The following PRRX1 variants were observed in gnomAD, a reference collection of about 807,000 sequenced individuals.
PRRX1 encodes paired related homeobox 1.
Under a neutral mutation model 24.0 loss-of-function variants are expected in PRRX1, and 8 were observed. That is an observed-to-expected ratio of 0.33 (90% CI 0.20 to 0.60). PRRX1 has a LOEUF of 0.60. Ranked by LOEUF, PRRX1 falls within the 20% of genes least tolerant of loss-of-function variation. The probability of loss-of-function intolerance (pLI) is 0.82; values close to 1 mark genes in which losing one functional copy is unlikely to be tolerated. For synonymous variants in PRRX1, 160 were observed against 131.7 expected, an observed-to-expected ratio of 1.22 and a Z score of -1.47; for missense variants, 281 against 322.4, an observed-to-expected ratio of 0.87 and a Z score of 0.98.
rs190688100 is a variant in PRRX1 at position 170,692,257 on chromosome 1, A to G, written c.242-27469A>G. Among the ~76,000 whole-genome samples, 1,165 of 152,204 alleles carry G rather than the reference A, an allele frequency of 7.7e-3. 11 individuals carry two copies. Among genetic ancestry groups the G allele is most frequent in the African/African-American group, 0.027 (1,123 of 41,540 alleles). On this transcript the variant is annotated intron_variant, in intron 1 of 3. Transcript: ENST00000239461. ...CAGGATCAGGAAGCCCTTTCTAATAACTGACATAAATCCTTATGGGGTAAG... is the reference window on the plus strand; with the variant it reads ...CAGGATCAGGAAGCCCTTTCTAATAGCTGACATAAATCCTTATGGGGTAAG...
At chr1:170,668,163 TGG>T in intron 1 of PRRX1, 1 of 152,380 alleles carries the variant, frequency 6.6e-6, no homozygotes, top group Admixed American at 6.5e-5. Context: ...TGGGATCCAG[TGG>T]CTAATGGGAG....
At chr1:170,693,279 G>T (rs1253456024) in intron 1 of PRRX1, among the ~76,000 whole-genome samples, 1 of 152,048 alleles carries the variant, frequency 6.6e-6, no homozygotes, top group African/African-American at 2.4e-5. Flanking sequence ...GCTGTAGAAA[G>T]GTTCTAAATA....
At chr1:170,665,476 G>GC (rs1652888490) in intron 1 of PRRX1, among the ~76,000 whole-genome samples, 1 of 152,202 alleles carries the variant, frequency 6.6e-6, no homozygotes, top group African/African-American at 2.4e-5. Flanking sequence ...CCTCGAGGTT[G>GC]CAAGAGTCTG....
intron 1 of PRRX1, among the ~76,000 whole-genome samples, chr1:170,708,993 A>ATTAAT (rs1654658968): frequency 6.6e-6 from 1 of 152,186 alleles, no homozygotes; most frequent in Non-Finnish European, 1.5e-5. Flanking sequence ...AGTCTAACAT[A>ATTAAT]TTAATTTAAT....
chr1:170,671,603 A>G (rs1015771954), intron 1 of PRRX1, among the ~76,000 whole-genome samples: 1 of 152,268 alleles, frequency 6.6e-6, no homozygotes, highest in Non-Finnish European at 1.5e-5. Flanking sequence ...CAGGACAGAC[A>G]GTAACAAAAC....
rs1425908081 is a variant in PRRX1 at position 170,697,932 on chromosome 1, T to C, written c.242-21794T>C. The stretch of plus-strand genomic sequence containing the variant: ...TTCTTTTGTATTATTAAAAGGCCTT[T>C]ATATAACATAATTTTTAATACTGCA... On this transcript the variant is annotated intron_variant, in intron 1 of 3. Coordinates refer to ENST00000239461, the MANE Select transcript of PRRX1 (RefSeq NM_022716.4). 2.6e-5 allele frequency among the ~76,000 whole-genome samples: 4 copies of C among 151,182 alleles called. No individual in the cohort carries two copies. The East Asian group carries it at 7.8e-4, about 29-fold the overall frequency.
intron 1 of PRRX1, among the ~76,000 whole-genome samples, chr1:170,674,503 T>C (rs1653245852): frequency 6.6e-6 from 1 of 152,192 alleles, no homozygotes; most frequent in African/African-American, 2.4e-5. Context: ...CAAATCTCTT[T>C]TCTCAAGACT....
intron 3 of PRRX1, 99 bp downstream of exon 3, chr1:170,726,500 T>G: frequency 1.4e-6 from 2 of 1,389,952 alleles, no homozygotes; most frequent in Non-Finnish European, 2.0e-6. Context: ...CATTTCTTAC[T>G]GGGTTAATCT....
chr1:170,692,336 A>G (rs1654016206), intron 1 of PRRX1, among the ~76,000 whole-genome samples: 1 of 152,090 alleles, frequency 6.6e-6, no homozygotes, highest in South Asian at 2.1e-4. Flanking sequence ...CTTAATTTGA[A>G]GGGTTTAACT....
intron 1 of PRRX1, among the ~76,000 whole-genome samples, chr1:170,700,677 C>T (rs1654324295): frequency 6.6e-6 from 1 of 152,122 alleles, no homozygotes; most frequent in Non-Finnish European, 1.5e-5. Context: ...GTCTCATGCC[C>T]AGCCAAAACC....
At chr1:170,692,634 A>T in intron 1 of PRRX1, among the ~76,000 whole-genome samples, 1 of 150,362 alleles carries the variant, frequency 6.7e-6, no homozygotes, top group South Asian at 2.1e-4. Flanking sequence ...ATCTACAACA[A>T]GTATTGGGGA....
intron 3 of PRRX1, chr1:170,727,611 C>T (rs1655296321): frequency 1.3e-5 from 2 of 152,138 alleles, no homozygotes; most frequent in Admixed American, 1.3e-4. Flanking sequence ...AGCAAAAAGC[C>T]TCATCTAAAA....
intron 3 of PRRX1, among the ~76,000 whole-genome samples, chr1:170,735,003 A>G (rs1435912953): frequency 6.6e-6 from 1 of 152,212 alleles, no homozygotes; most frequent in African/African-American, 2.4e-5. Flanking sequence ...CATTCCATTT[A>G]TAAGTCTATC....
At chr1:170,695,293 T>C (rs1413465148) in intron 1 of PRRX1, among the ~76,000 whole-genome samples, 1 of 152,202 alleles carries the variant, frequency 6.6e-6, no homozygotes, top group Non-Finnish European at 1.5e-5. Flanking sequence ...AGCCCCTACA[T>C]AATGCTTATT....
intron 3 of PRRX1, among the ~76,000 whole-genome samples, chr1:170,735,163 A>G (rs1289958076): frequency 2.6e-5 from 4 of 152,232 alleles, no homozygotes; most frequent in Non-Finnish European, 5.9e-5. Context: ...TTCCTTTAAC[A>G]GAGATTCATG....
At chr1:170,730,430 T>C (rs1374129098) in intron 3 of PRRX1, 4 of 1,234,990 alleles carry the variant, frequency 3.2e-6, no homozygotes, top group Non-Finnish European at 4.7e-6. Flanking sequence ...AAGTGGGGGT[T>C]GCAGTTCTAG....
intron 1 of PRRX1, among the ~76,000 whole-genome samples, chr1:170,706,589 C>T (rs150813503): frequency 1.8e-4 from 28 of 152,246 alleles, no homozygotes; most frequent in African/African-American, 6.0e-4. Flanking sequence ...GTTGACTTCT[C>T]ATACATTTCT....
intron 1 of PRRX1, among the ~76,000 whole-genome samples, chr1:170,669,810 A>G (rs1653086174): frequency 6.6e-6 from 1 of 152,128 alleles, no homozygotes; most frequent in Non-Finnish European, 1.5e-5. Flanking sequence ...CTCACTTTCA[A>G]CAGCTCTGGA....
chr1:170,690,890 C>A (rs935603403), intron 1 of PRRX1, among the ~76,000 whole-genome samples: 9 of 152,170 alleles, frequency 5.9e-5, no homozygotes, highest in African/African-American at 2.2e-4. Context: ...GCAGTCTTTG[C>A]TGTGAGCATC....
Sources: allele counts gnomAD v4.1 joint callset (sites outside exome capture counted in the v4.1 genomes callset), GRCh38; gene constraint gnomAD v4.1.1; transcripts MANE v1.5; gene names NCBI Gene and HGNC (gene_info 2026-07-23, HGNC 2026-07-21).